Variants in POGZ observed in about 807,000 individuals in gnomAD.
The protein encoded by POGZ is pogo transposable element derived with ZNF domain.
Under a neutral mutation model 134.6 loss-of-function variants are expected in POGZ, and 17 were observed. That is an observed-to-expected ratio of 0.13 (90% CI 0.09 to 0.19). The LOEUF is 0.19. Among genes scored for constraint, POGZ ranks in the 10% least tolerant of loss-of-function variants. The probability of loss-of-function intolerance (pLI) is 1.00; values close to 1 mark genes in which losing one functional copy is unlikely to be tolerated. For missense variants in POGZ, 1,306 were observed against 1,769.7 expected (o/e 0.74, Z 4.70); for synonymous variants, 693 against 657.1 (o/e 1.05, Z -0.84).
At chr1:151,435,958 CTTTT>C (rs58367755) in intron 3 of POGZ, among the ~76,000 whole-genome samples, 1 of 134,818 alleles carries the variant, frequency 7.4e-6, no homozygotes, top group South Asian at 2.3e-4. Flanking sequence ...ATTTTCTTTT[CTTTT>C]TTTTTTTTTT....
In POGZ at chr1:151,432,039, C is replaced by T. The variant is rs147616949; in HGVS notation, c.284-1198G>A. ...CAACAATTAGCCAGGCATGGTGGCG[C>T]ATCCCTGTAATTCCAGCTACTTGGG... On this transcript the variant is annotated intron_variant, in intron 3 of 18. Coordinates refer to ENST00000271715, the MANE Select transcript of POGZ (RefSeq NM_015100.4). 9.0e-3 allele frequency among the ~76,000 whole-genome samples: 1,376 copies of T among 152,210 alleles called. 19 individuals are homozygous for T. Among genetic ancestry groups the T allele is most frequent in the African/African-American group, 0.031 (1,277 of 41,534 alleles).
chr1:151,405,744 T>C lies in POGZ; in HGVS notation c.3291A>G (p.Val1097=). The change falls in exon 19 of 19, where the codon GTA becomes GTG. Residue 1097 remains valine (V), a synonymous_variant. Transcript: ENST00000271715. This position sits in a 1 kb window ranked among gnomAD's most constrained non-coding sequence, Gnocchi z 4.9. ...CAATGAAGAGTCCTGCATTCTCTGCTACATCCTTAGGTAGGGTGTGGGCCA... is the reference window on the plus strand; with the variant it reads ...CAATGAAGAGTCCTGCATTCTCTGCCACATCCTTAGGTAGGGTGTGGGCCA... ...RAVAHTLPKD[V]AENAGLFIDF... 3 of 1,614,224 alleles carry C rather than the reference T, an allele frequency of 1.9e-6. No individual in the cohort carries two copies. The highest frequency in any genetic ancestry group is 2.5e-6 in the Non-Finnish European group (3 of 1,180,024).
intron 1 of POGZ, among the ~76,000 whole-genome samples, chr1:151,451,835 G>A (rs1483385852): frequency 1.3e-5 from 2 of 151,172 alleles, no homozygotes; most frequent in African/African-American, 2.4e-5. Flanking sequence ...GGTGGCTCAC[G>A]CCTGTAATCC....
chr1:151,436,233 C>T (rs938831199), intron 3 of POGZ, among the ~76,000 whole-genome samples: 33 of 152,134 alleles, frequency 2.2e-4, no homozygotes, highest in African/African-American at 7.5e-4. Context: ...GCTAGGATTA[C>T]GGGCGTGAGC....
chr1:151,431,822 A>C lies in POGZ; in HGVS notation c.284-981T>G, dbSNP rs575926413. Among the ~76,000 whole-genome samples the C allele has an allele frequency of 4.6e-5, 7 of 152,300 alleles. No homozygotes were observed. The East Asian group carries it at 1.3e-3, about 29-fold the overall frequency. ...CCAATACTAAGTTTCCTGATTTACA[A>C]AGTATACTCAAAACCAGATAGAAAA... On this transcript the variant is annotated intron_variant, in intron 3 of 18. Transcript: ENST00000271715.
At chr1:151,441,934 A>G (rs1217129944) in intron 2 of POGZ, 147 bp downstream of exon 2, 1 of 575,228 alleles carries the variant, frequency 1.7e-6, no homozygotes, top group East Asian at 2.9e-5. Context: ...CACAGACTAG[A>G]GCATGGGAAA....
chr1:151,405,552 T>G lies in POGZ; in HGVS notation c.3483A>C (p.Leu1161=). The part of the protein sequence containing the change: ...GTGEPWCDVV[L]AILADGTVLP... ...GGACAGTGCCATCTGCCAGAATGGC[T>G]AGGACTACATCACACCAAGGTTCCC... The change falls in exon 19 of 19, where the codon CTA becomes CTC. Residue 1161 remains leucine, a synonymous_variant. Coordinates refer to ENST00000271715, the MANE Select transcript of POGZ (RefSeq NM_015100.4). This position sits in a 1 kb window ranked among gnomAD's most constrained non-coding sequence, Gnocchi z 4.9. The G allele has an allele frequency of 6.2e-7, 1 of 1,614,194 alleles. No individual in the cohort carries two copies. The highest frequency in any genetic ancestry group is 1.3e-5 in the African/African-American group (1 of 75,048).
At chr1:151,413,077 T>C (rs1349485988) in intron 10 of POGZ, among the ~76,000 whole-genome samples, 1 of 151,594 alleles carries the variant, frequency 6.6e-6, no homozygotes, top group Non-Finnish European at 1.5e-5. Flanking sequence ...GTGCTGGGAT[T>C]ATAGGTGTGA....
chr1:151,448,879 C>G (rs1050658228), intron 1 of POGZ, among the ~76,000 whole-genome samples: 1 of 152,026 alleles, frequency 6.6e-6, no homozygotes, highest in Non-Finnish European at 1.5e-5. Context: ...AACAAACAAA[C>G]AAACAAACAC....
chr1:151,415,568 G>A (rs1193851527), intron 10 of POGZ, among the ~76,000 whole-genome samples: 1 of 151,724 alleles, frequency 6.6e-6, no homozygotes, highest in Non-Finnish European at 1.5e-5. Context: ...CTACTCGGGA[G>A]GCTGAGGCAG....
chr1:151,420,321 A>T (rs1429047321), intron 10 of POGZ, among the ~76,000 whole-genome samples: 1 of 151,980 alleles, frequency 6.6e-6, no homozygotes, highest in African/African-American at 2.4e-5. Flanking sequence ...GTTACCATTG[A>T]TTCTTTGTTT....
At chr1:151,445,609 T>C (rs1465198104) in intron 1 of POGZ, among the ~76,000 whole-genome samples, 2 of 64,788 alleles carry the variant, frequency 3.1e-5, no homozygotes, top group South Asian at 4.0e-4. Context: ...TTTTTCATTT[T>C]TTTTTAAACA....
intron 1 of POGZ, among the ~76,000 whole-genome samples, chr1:151,458,616 C>T (rs1194464944): frequency 6.8e-6 from 1 of 147,600 alleles, no homozygotes; most frequent in African/African-American, 2.5e-5. Flanking sequence ...CGCCGCCCGC[C>T]CCTCCGCCGC....
intron 1 of POGZ, among the ~76,000 whole-genome samples, chr1:151,444,736 G>A (rs750986762): frequency 1.3e-5 from 2 of 152,188 alleles, no homozygotes; most frequent in African/African-American, 4.8e-5. Flanking sequence ...AAGAGTTTCA[G>A]TTCTTTATTT....
intron 10 of POGZ, among the ~76,000 whole-genome samples, chr1:151,421,516 T>C (rs1308173290): frequency 1.3e-5 from 2 of 152,202 alleles, no homozygotes; most frequent in African/African-American, 2.4e-5. Context: ...GTCAAAGAGA[T>C]ATAAAAGGAA....
Position 151,405,096 on chromosome 1 carries a change from C to A in POGZ, c.3939G>T (p.Gly1313=). 1.2e-6 allele frequency: 2 copies of A among 1,614,166 alleles called. No homozygotes were observed. Among genetic ancestry groups the A allele is most frequent in the Non-Finnish European group, 1.7e-6 (2 of 1,180,024 alleles). ...VWLGEVLGVI[G]DCPELVQRSF... ...AGCGCTGAACTAGCTCTGGACAGTC[C>A]CCAATGACACCTAGCACTTCACCCA... The change falls in exon 19 of 19, where the codon GGG becomes GGT. Residue 1313 remains glycine (G), a synonymous_variant. Coordinates refer to ENST00000271715, the MANE Select transcript of POGZ (RefSeq NM_015100.4). This position sits in a 1 kb window ranked among gnomAD's most constrained non-coding sequence, Gnocchi z 4.9.
intron 12 of POGZ, 31 bp downstream of exon 12, chr1:151,411,594 G>C (rs777308411): frequency 1.4e-6 from 2 of 1,454,534 alleles, no homozygotes; most frequent in Non-Finnish European, 1.9e-6. Flanking sequence ...AAAAAAACAA[G>C]AGAATATGGG....
At chr1:151,443,476 G>A (rs1660848650) in intron 1 of POGZ, among the ~76,000 whole-genome samples, 2 of 152,176 alleles carry the variant, frequency 1.3e-5, no homozygotes, top group Non-Finnish European at 2.9e-5. Context: ...GAGGTGGGCG[G>A]ATCACCTGAG....
At position 151,404,773 on chromosome 1, in the gene POGZ, C is replaced by A; in HGVS notation, c.*29G>T. On this transcript the variant is annotated 3_prime_UTR_variant, in exon 19 of 19. Coordinates refer to ENST00000271715, the MANE Select transcript of POGZ (RefSeq NM_015100.4). ...ACCCTCCCTCACATGTTCCCACCCT[C>A]ACTCCACACCCCCTCATGACCCCAA... 2 of 1,561,070 alleles carry A rather than the reference C, an allele frequency of 1.3e-6. No individual in the cohort carries two copies. The highest frequency in any genetic ancestry group is 8.7e-7 in the Non-Finnish European group (1 of 1,152,064).
Sources: gnomAD v4.1 joint callset for allele counts (sites outside exome capture counted in the v4.1 genomes callset) on GRCh38, gnomAD v4.1.1 for gene constraint, Gnocchi (gnomAD v3.1) non-coding constraint, MANE v1.5 for transcripts, NCBI Gene and HGNC (gene_info 2026-07-23, HGNC 2026-07-21) for gene names.